The following TCP1 variants were observed in gnomAD, a reference collection of about 807,000 sequenced individuals.
The protein encoded by TCP1 is t-complex 1.
A neutral mutation model predicts 54.7 loss-of-function variants in TCP1; 6 were observed. The ratio of observed to expected loss-of-function variants is 0.11; its 90% CI spans 0.06 to 0.22. TCP1 has a LOEUF of 0.22. Among genes scored for constraint, TCP1 ranks in the 10% least tolerant of loss-of-function variants. The pLI is 1.00. For missense variants in TCP1, 511 were observed against 678.2 expected, an observed-to-expected ratio of 0.75 and a Z score of 2.74; for synonymous variants, 225 against 229.7, an observed-to-expected ratio of 0.98 and a Z score of 0.19.
intron 3 of TCP1, 114 bp downstream of exon 3, chr6:159,787,629 A>G: frequency 7.6e-7 from 1 of 1,320,536 alleles, no homozygotes; most frequent in Non-Finnish European, 1.0e-6. Context: ...TCTTCTGGGC[A>G]TTCAGAATAT....
chr6:159,781,190 G>A (rs1354453855), intron 7 of TCP1, 80 bp from the exon 8 acceptor site: 6 of 1,165,554 alleles, frequency 5.1e-6, no homozygotes, highest in Non-Finnish European at 7.1e-6. Flanking sequence ...TTTATCACAA[G>A]ATAATCATAG....
intron 4 of TCP1, 57 bp downstream of exon 4, chr6:159,785,843 A>C: frequency 7.5e-7 from 1 of 1,329,334 alleles, no homozygotes; most frequent in Non-Finnish European, 1.1e-6. Context: ...ACGTTAAGAC[A>C]ACACAGTTTA....
intron 1 of TCP1, chr6:159,788,970 G>A (rs1002745988): frequency 6.2e-6 from 1 of 162,192 alleles, no homozygotes; most frequent in Non-Finnish European, 1.3e-5. Flanking sequence ...ACAGGGCACC[G>A]GGCTCATCCG....
rs779861104 is a variant in TCP1 at position 159,785,917 on chromosome 6, G to A, written c.360C>T (p.Gly120=). The change falls in exon 4 of 12, where the codon GGC becomes GGT. Residue 120 remains glycine (G), a synonymous_variant. Coordinates refer to ENST00000321394, the MANE Select transcript of TCP1 (RefSeq NM_030752.3). The part of the protein sequence containing the change: ...QKIHPTSVIS[G]YRLACKEAVR... ...AATCTTACTTGCAAGCAAGTCGATA[G>A]CCACTAATAACTGATGTGGGATGAA... 4 of 1,613,520 alleles carry A rather than the reference G, an allele frequency of 2.5e-6. No homozygotes were observed. In the Admixed American group the frequency reaches 5.0e-5, roughly 20 times the overall value.
At position 159,779,072 on chromosome 6, in the gene TCP1, A is replaced by G; in HGVS notation, c.1644T>C (p.Ala548=). The G allele has an allele frequency of 1.9e-6, 3 of 1,614,092 alleles. No homozygotes were observed. Among genetic ancestry groups the G allele is most frequent in the Non-Finnish European group, 1.7e-6 (2 of 1,179,928 alleles). Residue 548 remains alanine, a synonymous_variant, in exon 12 of 12, where the codon GCT becomes GCC. Transcript: ENST00000321394. ...KDDKHGSYED[A]VHSGALND ...AATCATTAAGGGCTCCAGAGTGAACAGCATCTTCATAACTTCCATGTTTAT... is the reference window on the plus strand; with the variant it reads ...AATCATTAAGGGCTCCAGAGTGAACGGCATCTTCATAACTTCCATGTTTAT...
rs1258952933 is a variant in TCP1 at position 159,779,993 on chromosome 6, C to T, written c.1192G>A (p.Val398Ile). Reference sequence around the variant, plus strand: ...TTTGACTCCAAAACTCTCTTCACTACACAAAGTGCATCATGTAAAGAGCGC... The same window carrying T: ...TTTGACTCCAAAACTCTCTTCACTATACAAAGTGCATCATGTAAAGAGCGC... ...MERSLHDALC[V>I]VKRVLESKSV... The change falls in exon 10 of 12, where the codon GTA (valine) becomes ATA (isoleucine). Residue 398 changes from valine (V) to isoleucine (I), a missense_variant. This residue lies in a region of TCP1 where 305 missense variants were observed against 352.8 expected (regional missense o/e 0.86). Transcript: ENST00000321394. 1 of 1,614,152 alleles carries T rather than the reference C, an allele frequency of 6.2e-7. No individual in the cohort carries two copies. Among genetic ancestry groups the T allele is most frequent in the Non-Finnish European group, 8.5e-7 (1 of 1,180,026 alleles).
chr6:159,778,946 C>A lies in TCP1; in HGVS notation c.*99G>T, dbSNP rs1210658899. ...GAAACCATTTCCTACATCACAAAAACCCAAGTTTACAGCTTGTACTTTACT... is the reference window on the plus strand; with the variant it reads ...GAAACCATTTCCTACATCACAAAAAACCAAGTTTACAGCTTGTACTTTACT... On this transcript the variant is annotated 3_prime_UTR_variant, in exon 12 of 12. Transcript: ENST00000321394. 1 of 1,559,266 alleles carries A rather than the reference C, an allele frequency of 6.4e-7. No individual in the cohort carries two copies. Among genetic ancestry groups the A allele is most frequent in the Non-Finnish European group, 8.7e-7 (1 of 1,146,908 alleles).
At chr6:159,782,565 AAGG>A (rs1780601437) in intron 7 of TCP1, among the ~76,000 whole-genome samples, 1 of 152,230 alleles carries the variant, frequency 6.6e-6, no homozygotes, top group Non-Finnish European at 1.5e-5. Context: ...TGTTGGTAAA[AAGG>A]AGGAGTTAAG....
At chr6:159,781,153 T>C (rs767051423) in intron 7 of TCP1, 43 bp from the exon 8 acceptor site, 3 of 1,463,576 alleles carry the variant, frequency 2.0e-6, no homozygotes, top group Non-Finnish European at 2.7e-6. Context: ...CTGTGATTTT[T>C]AAAAATAATT....
intron 1 of TCP1, chr6:159,789,052 A>T: frequency 3.5e-6 from 1 of 285,294 alleles, no homozygotes; most frequent in Non-Finnish European, 6.6e-6. Context: ...TAACATGGAC[A>T]CTCAGGGGGT....
chr6:159,780,049 C>T lies in TCP1; in HGVS notation c.1136G>A (p.Gly379Glu). ...CTCATCACACATGAAATCATTTGCC[C>T]CACGTAAGATAATCGATGCAGACGT... Reference protein sequence around the residue: ...ARTSASIILRGANDFMCDEME... With the variant: ...ARTSASIILREANDFMCDEME... Residue 379 changes from glycine (G) to glutamate (E), a missense_variant, in exon 10 of 12, where the codon GGG becomes GAG. By Grantham distance (98) the Gly-to-Glu change is moderately conservative. Coordinates refer to ENST00000321394, the MANE Select transcript of TCP1 (RefSeq NM_030752.3). The T allele has an allele frequency of 6.2e-7, 1 of 1,614,064 alleles. No individual in the cohort carries two copies. The highest frequency in any genetic ancestry group is 1.6e-4 in the Middle Eastern group (1 of 6,062).
rs1583144652 is a variant in TCP1 at position 159,787,683 on chromosome 6, C to T, written c.279+60G>A. On this transcript the variant is annotated intron_variant, in intron 3 of 11. Coordinates refer to ENST00000321394, the MANE Select transcript of TCP1 (RefSeq NM_030752.3). ...AGCACAAATGACCCACTTATGGCTT[C>T]AACTTTCTGAAAGTCGGTCGTTTTT... 5.7e-6 allele frequency: 9 copies of T among 1,582,128 alleles called. No individual in the cohort carries two copies. The East Asian group carries it at 1.6e-4, about 28-fold the overall frequency.
chr6:159,784,942 A>T (rs1780657887), intron 5 of TCP1, 95 bp from the exon 6 acceptor site: 7 of 1,216,540 alleles, frequency 5.8e-6, no homozygotes, highest in African/African-American at 1.5e-5. Flanking sequence ...TCCTTTTAGT[A>T]ATCTAATCTA....
Position 159,779,619 on chromosome 6 carries a change from A to G in TCP1, c.1454+8T>C. On this transcript the variant is annotated splice_region_variant and intron_variant, in intron 11 of 11. Transcript: ENST00000321394. ...AGAGGTTAACAAAGAGCGGGAAACC[A>G]TGCTTACCATTTTAGATTTTTACGT... The G allele has an allele frequency of 6.3e-7, 1 of 1,595,790 alleles. No homozygotes were observed. Among genetic ancestry groups the G allele is most frequent in the Non-Finnish European group, 8.5e-7 (1 of 1,174,580 alleles).
At chr6:159,784,136 G>T in intron 6 of TCP1, 69 bp from the exon 7 acceptor site, 1 of 1,523,334 alleles carries the variant, frequency 6.6e-7, no homozygotes, top group Non-Finnish European at 8.8e-7. Context: ...ACCTATAATC[G>T]ATTGTATGTA....
In TCP1 at chr6:159,783,913, A is replaced by G; in HGVS notation, c.797+28T>C. On this transcript the variant is annotated intron_variant, in intron 7 of 11. Transcript: ENST00000321394. ...AAGTCCTCCAAGACACTCACACTTA[A>G]AAGGCCAAAAATAATCTCTCAACAT... The G allele has an allele frequency of 1.9e-6, 3 of 1,562,018 alleles. No homozygotes were observed. The South Asian group carries it at 3.6e-5, about 19-fold the overall frequency.
At position 159,786,369 on chromosome 6, in the gene TCP1, T is replaced by C. The variant is rs140942905; in HGVS notation, c.280-372A>G. Among the ~76,000 whole-genome samples, 386 of 152,286 alleles carry C rather than the reference T, an allele frequency of 2.5e-3. 6 individuals carry two copies. The highest frequency in any genetic ancestry group is 9.1e-3 in the African/African-American group (376 of 41,542). On this transcript the variant is annotated intron_variant, in intron 3 of 11. Transcript: ENST00000321394. ...CAGTGAGGTCTTATTGTATTATAAA[T>C]GCAAATGGCCAAAACTGGGTAGGAG...
chr6:159,782,866 G>A (rs1217857022), intron 7 of TCP1, among the ~76,000 whole-genome samples: 1 of 152,190 alleles, frequency 6.6e-6, no homozygotes, highest in East Asian at 1.9e-4. Flanking sequence ...ATCCCCGAAA[G>A]CATTTCAAGA....
rs560141361 is a variant in TCP1 at position 159,778,583 on chromosome 6, A to G, written c.*462T>C. ...AAGGGTAGCATGCTGATACATTAAG[A>G]GGAAAAAGACAAGTTTAAGATTTTA... On this transcript the variant is annotated 3_prime_UTR_variant, in exon 12 of 12. Coordinates refer to ENST00000321394, the MANE Select transcript of TCP1 (RefSeq NM_030752.3). 123 of 1,499,316 alleles carry G rather than the reference A, an allele frequency of 8.2e-5. 1 individual carries two copies. In the South Asian group the frequency reaches 1.3e-3, roughly 16 times the overall value. The allele number at this position is 1,499,316 out of a possible 1,614,324, so 92.9% of individuals were successfully genotyped here. A position where few individuals can be genotyped will look rare whatever the true frequency, so the allele number is the denominator to read the frequency against.
Sources: gnomAD v4.1 joint callset for allele counts (sites outside exome capture counted in the v4.1 genomes callset) on GRCh38, gnomAD v4.1.1 for gene constraint, gnomAD v4.1.1 regional missense constraint, MANE v1.5 for transcripts, NCBI Gene and HGNC (gene_info 2026-07-23, HGNC 2026-07-21) for gene names.